The following GPR173 variants were observed in gnomAD, a reference collection of about 807,000 sequenced individuals.
GPR173 encodes the protein G protein-coupled receptor 173.
In GPR173, 2 loss-of-function variants were observed where a neutral mutation model predicts 13.9. That is an observed-to-expected ratio of 0.14 (90% CI 0.06 to 0.45). The LOEUF is 0.45. GPR173 is among the 20% of genes least tolerant of loss of function. The pLI is 0.98. For missense variants in GPR173, 202 were observed against 340.5 expected, an observed-to-expected ratio of 0.59 and a Z score of 3.20; for synonymous variants, 131 against 141.0, an observed-to-expected ratio of 0.93 and a Z score of 0.50.
chrX:53,049,833 C>T (rs1183435905), intron 1 of GPR173, among the ~76,000 whole-genome samples: 1 of 111,633 alleles, frequency 9.0e-6, no homozygotes, highest in Admixed American at 9.5e-5. Flanking sequence ...GCCGTGTTCC[C>T]TTCACAATGC....
rs782654882 is a variant in GPR173, at chrX:53,077,179, G to A, written c.558G>A (p.Thr186=). Residue 186 remains threonine (T), a synonymous_variant, in exon 2 of 2, where the codon ACG becomes ACA. Transcript: ENST00000332582. ...FEHRYFKAND[T]LGFMLMLAVL... Reference sequence around the variant, plus strand: ...ATCGCTACTTCAAGGCCAATGACACGCTGGGCTTCATGCTTATGTTGGCTG... The same window carrying A: ...ATCGCTACTTCAAGGCCAATGACACACTGGGCTTCATGCTTATGTTGGCTG... 17 of 1,205,066 alleles carry A rather than the reference G, an allele frequency of 1.4e-5. No individual in the cohort carries two copies. Among genetic ancestry groups the A allele is most frequent in the East Asian group, 3.0e-5 (1 of 33,780 alleles).
At chrX:53,058,769 G>A (rs1569221241) in intron 1 of GPR173, among the ~76,000 whole-genome samples, 1 of 111,439 alleles carries the variant, frequency 9.0e-6, no homozygotes, top group Non-Finnish European at 1.9e-5. Flanking sequence ...AGCAGGACTT[G>A]ACCTATGTCT....
intron 1 of GPR173, chrX:53,065,541 G>T (rs1049515527): frequency 2.7e-5 from 3 of 111,791 alleles, no homozygotes; most frequent in African/African-American, 9.8e-5. Flanking sequence ...TTCTTGTCAT[G>T]GCCAGGCAGA....
chrX:53,071,967 T>C (rs1171195796), intron 1 of GPR173, among the ~76,000 whole-genome samples: 4 of 110,303 alleles, frequency 3.6e-5, no homozygotes, highest in Non-Finnish European at 1.9e-5. Context: ...GGATGGGGTG[T>C]GCACGTGTCT....
rs1479272193 is a variant in GPR173 at position 53,078,000 on chromosome X, CTCTCTCTCTCTCTCTCTG to C, written c.*275_*292del. Reference sequence around the variant, plus strand: ...CCTTCTCCACTTCTACAATCTCATTCTCTCTCTCTCTCTCTCTGTCTCTCTCTCTCTCTCTCTCTCTCT... The same window carrying C: ...CCTTCTCCACTTCTACAATCTCATTCTCTCTCTCTCTCTCTCTCTCTCTCT... On this transcript the variant is annotated 3_prime_UTR_variant, in exon 2 of 2. Coordinates refer to ENST00000332582, the MANE Select transcript of GPR173 (RefSeq NM_018969.6). 4 of 180,553 alleles carry C rather than the reference CTCTCTCTCTCTCTCTCTG, an allele frequency of 2.2e-5. No individual in the cohort carries two copies. Among genetic ancestry groups the C allele is most frequent in the Non-Finnish European group, 4.0e-5 (4 of 100,170 alleles). 14.9% of individuals were successfully genotyped at this position (180,553 alleles called of 1,213,427 possible).
At chrX:53,072,901 T>A (rs1191653240) in intron 1 of GPR173, among the ~76,000 whole-genome samples, 1 of 111,190 alleles carries the variant, frequency 9.0e-6, no homozygotes, top group African/African-American at 3.3e-5. Flanking sequence ...TGGCCTCCTG[T>A]CATGGGCTCT....
intron 1 of GPR173, among the ~76,000 whole-genome samples, chrX:53,068,775 A>C (rs1556804481): frequency 9.6e-6 from 1 of 104,466 alleles, no homozygotes; most frequent in African/African-American, 3.5e-5. Context: ...TAAATAAATA[A>C]ATAAATAAAT....
intron 1 of GPR173, among the ~76,000 whole-genome samples, chrX:53,072,717 G>GAGAGAA (rs1403991430): frequency 3.6e-5 from 4 of 110,722 alleles, no homozygotes; most frequent in Non-Finnish European, 7.5e-5. Flanking sequence ...AGGTAAAGGA[G>GAGAGAA]AGAGAAAGAG....
At chrX:53,059,105 C>T (rs1602089571) in intron 1 of GPR173, among the ~76,000 whole-genome samples, 3 of 106,543 alleles carry the variant, frequency 2.8e-5, no homozygotes, top group South Asian at 4.4e-4. Context: ...ACAAATTAGC[C>T]GGGCGTGGTG....
chrX:53,076,496 G>A (rs1932433724), intron 1 of GPR173, 29 bp from the exon 2 acceptor site: 4 of 464,182 alleles, frequency 8.6e-6, no homozygotes, highest in Non-Finnish European at 1.1e-5. Context: ...CTCTGTGTCT[G>A]TGTCTCCCCC....
In GPR173 at chrX:53,076,569, G is replaced by A. The variant is rs782163377; in HGVS notation, c.-53G>A. 2.7e-5 allele frequency: 28 copies of A among 1,048,920 alleles called. No individual in the cohort carries two copies. Among genetic ancestry groups the A allele is most frequent in the Non-Finnish European group, 3.5e-5 (27 of 779,083 alleles). The allele number at this position is 1,048,920 out of a possible 1,213,427, so 86.4% of individuals were successfully genotyped here. A position where few individuals can be genotyped will look rare whatever the true frequency, so the allele number is the denominator to read the frequency against. On this transcript the variant is annotated 5_prime_UTR_variant, in exon 2 of 2. Coordinates refer to ENST00000332582, the MANE Select transcript of GPR173 (RefSeq NM_018969.6). The stretch of plus-strand genomic sequence containing the variant: ...CTCATGGAGCCCCCCCGGGCCCATC[G>A]AGTACCGGACTGGCTGACCCCCTAG...
intron 1 of GPR173, among the ~76,000 whole-genome samples, chrX:53,056,383 C>T (rs1195710127): frequency 1.8e-5 from 2 of 109,653 alleles, no homozygotes; most frequent in Non-Finnish European, 3.8e-5. Flanking sequence ...TATCTAAGAC[C>T]GCGAAGACCT....
rs782340108 is a variant in GPR173 at position 53,077,430 on chromosome X, G to A, written c.809G>A (p.Arg270Gln). 7.5e-6 allele frequency: 9 copies of A among 1,207,675 alleles called. No individual in the cohort carries two copies. Among genetic ancestry groups the A allele is most frequent in the Non-Finnish European group, 1.0e-5 (9 of 893,284 alleles). ...CGGCAGAATGGGCATGCAGCCAGCC[G>A]GCGGCTACTGGGCATGGACGAGGTC... The part of the protein sequence containing the change: ...GIRQNGHAAS[R>Q]RLLGMDEVKG... The change falls in exon 2 of 2, where the codon CGG (arginine) becomes CAG (glutamine). Residue 270 changes from arginine to glutamine, a missense_variant. Arg to Gln is a conservative substitution (Grantham distance 43). This residue lies in a region of GPR173 where 76 missense variants were observed against 116.3 expected (regional missense o/e 0.65). Transcript: ENST00000332582.
chrX:53,055,649 G>A (rs782783157), intron 1 of GPR173, among the ~76,000 whole-genome samples: 2 of 109,933 alleles, frequency 1.8e-5, no homozygotes, highest in East Asian at 5.8e-4. Context: ...TGGATCTGGG[G>A]AGTGGGGCGT....
intron 1 of GPR173, among the ~76,000 whole-genome samples, chrX:53,067,552 G>A (rs781793355): frequency 2.7e-4 from 30 of 112,298 alleles, no homozygotes; most frequent in Non-Finnish European, 3.9e-4. Context: ...CTGGCGGGGC[G>A]CGGTGGCTCA....
chrX:53,066,504 C>CA lies in GPR173; in HGVS notation c.-97-10013dup, dbSNP rs1223789308. Among the ~76,000 whole-genome samples the CA allele has an allele frequency of 5.5e-5, 6 of 109,603 alleles. No individual in the cohort carries two copies. In the South Asian group the frequency reaches 1.9e-3, roughly 35 times the overall value. ...TAAAACCCCGTCTCTACTAAAAATA[C>CA]AAAAAAAAGAAAAATTAGCTGGGCA... On this transcript the variant is annotated intron_variant, in intron 1 of 1. Transcript: ENST00000332582.
intron 1 of GPR173, among the ~76,000 whole-genome samples, chrX:53,057,943 T>C (rs1255341207): frequency 1.8e-5 from 2 of 112,199 alleles, no homozygotes; most frequent in African/African-American, 6.5e-5. Context: ...CAAGTGTGAA[T>C]GGGGTTTCTA....
At position 53,048,945 on chromosome X, in the gene GPR173, C is replaced by T. The variant is rs781943915; in HGVS notation, c.-637C>T. The T allele has an allele frequency of 2.7e-5, 3 of 110,294 alleles. No individual in the cohort carries two copies. The highest frequency in any genetic ancestry group is 7.8e-4 in the South Asian group (2 of 2,549). The allele number at this position is 110,294 out of a possible 1,213,427, so 9.1% of individuals were successfully genotyped here. A position where few individuals can be genotyped will look rare whatever the true frequency, so the allele number is the denominator to read the frequency against. On this transcript the variant is annotated 5_prime_UTR_variant, in exon 1 of 2. Coordinates refer to ENST00000332582, the MANE Select transcript of GPR173 (RefSeq NM_018969.6). ...CCTGGGGCTCTCCCAGGCCATGGCC[C>T]GTGTGCTCCCAGGGAGGAGCCCCGG...
In GPR173 at chrX:53,078,032, C is replaced by G; in HGVS notation, c.*289C>G. On this transcript the variant is annotated 3_prime_UTR_variant, in exon 2 of 2. Transcript: ENST00000332582. The stretch of plus-strand genomic sequence containing the variant: ...TCTCTCTCTCTGTCTCTCTCTCTCT[C>G]TCTCTCTCTCTCTCAGAAGTGACAA... 2 of 329,713 alleles carry G rather than the reference C, an allele frequency of 6.1e-6. No individual in the cohort carries two copies. Among genetic ancestry groups the G allele is most frequent in the Non-Finnish European group, 1.1e-5 (2 of 182,841 alleles). 27.2% of individuals were successfully genotyped at this position (329,713 alleles called of 1,213,427 possible).
Sources: gnomAD v4.1 joint callset for allele counts (sites outside exome capture counted in the v4.1 genomes callset) on GRCh38, gnomAD v4.1.1 for gene constraint, gnomAD v4.1.1 regional missense constraint, MANE v1.5 for transcripts, NCBI Gene and HGNC (gene_info 2026-07-23, HGNC 2026-07-21) for gene names.